MRPL1: variants seen among roughly 807,000 people sequenced by gnomAD.
The protein encoded by MRPL1 is large ribosomal subunit protein uL1m.
MRPL1 carries 28 observed loss-of-function variants against 38.0 expected under a neutral mutation model. The ratio of observed to expected loss-of-function variants is 0.74; its 90% CI spans 0.55 to 1.01. MRPL1 has a LOEUF of 1.01. MRPL1 is among the 50% of genes least tolerant of loss of function. The pLI is 0.00. For synonymous variants in MRPL1, 123 were observed against 126.7 expected, an observed-to-expected ratio of 0.97 and a Z score of 0.20; for missense variants, 358 against 389.8, an observed-to-expected ratio of 0.92 and a Z score of 0.69.
At chr4:77,914,967 T>C (rs1362549100) in intron 7 of MRPL1, among the ~76,000 whole-genome samples, 1 of 152,116 alleles carries the variant, frequency 6.6e-6, no homozygotes, top group Non-Finnish European at 1.5e-5. Flanking sequence ...TTGTAAAAAA[T>C]AAAGGATAGC....
intron 4 of MRPL1, 35 bp downstream of exon 4, chr4:77,885,374 A>T: frequency 2.5e-5 from 32 of 1,284,982 alleles, no homozygotes; most frequent in Middle Eastern, 2.0e-4. Context: ...ATATCATTTA[A>T]TTTTTTTTTT....
At chr4:77,928,086 G>A (rs2110257896) in intron 7 of MRPL1, among the ~76,000 whole-genome samples, 1 of 152,308 alleles carries the variant, frequency 6.6e-6, no homozygotes, top group South Asian at 2.1e-4. Flanking sequence ...CATTTTGTGT[G>A]CTTGTGTAAC....
chr4:77,890,849 C>T lies in MRPL1; in HGVS notation c.559-3290C>T, dbSNP rs143732319. Among the ~76,000 whole-genome samples, 1,136 of 152,140 alleles carry T rather than the reference C, an allele frequency of 7.5e-3. 15 individuals carry two copies. Among genetic ancestry groups the T allele is most frequent in the Admixed American group, 0.031 (469 of 15,280 alleles). Reference sequence around the variant, plus strand: ...TTTCTATATGTTATGGAATTTTTGCCGGGGAGGAGAAAGTAGACAGGAAAT... The same window carrying T: ...TTTCTATATGTTATGGAATTTTTGCTGGGGAGGAGAAAGTAGACAGGAAAT... On this transcript the variant is annotated intron_variant, in intron 5 of 8. Transcript: ENST00000315567.
At chr4:77,918,648 G>A (rs1055167278) in intron 7 of MRPL1, among the ~76,000 whole-genome samples, 44 of 151,990 alleles carry the variant, frequency 2.9e-4, no homozygotes, top group Admixed American at 2.9e-3. Flanking sequence ...TCATATACCT[G>A]GCTAAACTTT....
chr4:77,938,380 TTTCACTGCTGACGGGGTATTTTC>T (rs2110263480), intron 7 of MRPL1, among the ~76,000 whole-genome samples: 1 of 152,344 alleles, frequency 6.6e-6, no homozygotes, highest in African/African-American at 2.4e-5. Flanking sequence ...TCAAATGGCT[TTTCACTGCTGACGGGGTATTTTC>T]TAAGACCTTT....
chr4:77,881,790 T>TA (rs1735548233), intron 2 of MRPL1, among the ~76,000 whole-genome samples: 1 of 152,176 alleles, frequency 6.6e-6, no homozygotes, highest in African/African-American at 2.4e-5. Context: ...TTTCCAGTCT[T>TA]ATTACTGTTG....
chr4:77,883,617 G>C, intron 3 of MRPL1, 117 bp downstream of exon 3: 2 of 1,098,054 alleles, frequency 1.8e-6, no homozygotes, highest in Non-Finnish European at 2.5e-6. Flanking sequence ...TTGCCGTGTT[G>C]CCCAGGCTGG....
intron 4 of MRPL1, among the ~76,000 whole-genome samples, chr4:77,887,003 C>G (rs1228206381): frequency 6.6e-6 from 1 of 151,832 alleles, no homozygotes; most frequent in Non-Finnish European, 1.5e-5. Context: ...GTTGGCCAGG[C>G]TAGTCTTGAA....
intron 1 of MRPL1, among the ~76,000 whole-genome samples, chr4:77,870,334 G>T (rs1271260990): frequency 1.3e-5 from 2 of 152,212 alleles, no homozygotes; most frequent in African/African-American, 4.8e-5. Flanking sequence ...GGAAGTGTTT[G>T]CCAAGCTTCG....
At chr4:77,926,173 CCTTA>C (rs1736708307) in intron 7 of MRPL1, among the ~76,000 whole-genome samples, 1 of 152,142 alleles carries the variant, frequency 6.6e-6, no homozygotes, top group African/African-American at 2.4e-5. Context: ...ATTTTTTTAT[CCTTA>C]CTTTATCATG....
In MRPL1 at chr4:77,888,587, C is replaced by CT. The variant is rs900855780; in HGVS notation, c.558+1305dup. On this transcript the variant is annotated intron_variant, in intron 5 of 8. Transcript: ENST00000315567. ...TGGAGAGCCTCTTTGAAAATGAGAA[C>CT]TTTTTTTTTCCTTTTTAGGAAGTAG... 4.3e-3 allele frequency among the ~76,000 whole-genome samples: 653 copies of CT among 151,442 alleles called. 7 individuals are homozygous for CT. The highest frequency in any genetic ancestry group is 0.015 in the African/African-American group (620 of 41,324).
At chr4:77,940,081 T>C (rs1238035439) in intron 7 of MRPL1, among the ~76,000 whole-genome samples, 1 of 152,148 alleles carries the variant, frequency 6.6e-6, no homozygotes. Flanking sequence ...CTGTGAAGAA[T>C]GATGTCGGTA....
At chr4:77,910,487 A>G (rs754620679) in intron 7 of MRPL1, among the ~76,000 whole-genome samples, 1 of 152,104 alleles carries the variant, frequency 6.6e-6, no homozygotes, top group Non-Finnish European at 1.5e-5. Context: ...AAATACAAAA[A>G]AATTAGTTGA....
At chr4:77,881,585 G>A (rs1406593885) in intron 2 of MRPL1, among the ~76,000 whole-genome samples, 2 of 151,868 alleles carry the variant, frequency 1.3e-5, no homozygotes, top group Non-Finnish European at 2.9e-5. Flanking sequence ...GGGACCACAG[G>A]TGTGTACCAC....
At chr4:77,868,066 T>C (rs751314440) in intron 1 of MRPL1, among the ~76,000 whole-genome samples, 48 of 150,356 alleles carry the variant, frequency 3.2e-4, no homozygotes, top group Non-Finnish European at 5.2e-4. Context: ...AGTTATTTCT[T>C]TTTTTTTTCC....
chr4:77,882,617 A>G (rs531600477), intron 2 of MRPL1, among the ~76,000 whole-genome samples: 3 of 152,310 alleles, frequency 2.0e-5, no homozygotes, highest in African/African-American at 7.2e-5. Flanking sequence ...CACTTAGCTT[A>G]ATGTTTTTAG....
intron 6 of MRPL1, among the ~76,000 whole-genome samples, chr4:77,904,609 A>G (rs531720117): frequency 3.5e-4 from 53 of 152,238 alleles, no homozygotes; most frequent in African/African-American, 1.3e-3. Flanking sequence ...GGAAGAACAC[A>G]GTTTGAGATG....
In MRPL1 at chr4:77,932,398, C is replaced by T. The variant is rs77839565; in HGVS notation, c.778-17399C>T. On this transcript the variant is annotated intron_variant, in intron 7 of 8. Transcript: ENST00000315567. Reference sequence around the variant, plus strand: ...CTCCTGAATTGGGAAGGAATAGATCCTTGGCCCATTTGTGAGATCACAAAT... The same window carrying T: ...CTCCTGAATTGGGAAGGAATAGATCTTTGGCCCATTTGTGAGATCACAAAT... Among the ~76,000 whole-genome samples, 31 of 152,232 alleles carry T rather than the reference C, an allele frequency of 2.0e-4. No homozygotes were observed. In the East Asian group the frequency reaches 6.0e-3, roughly 29 times the overall value.
At chr4:77,893,850 A>C (rs931155851) in intron 5 of MRPL1, among the ~76,000 whole-genome samples, 1 of 152,192 alleles carries the variant, frequency 6.6e-6, no homozygotes, top group African/African-American at 2.4e-5. Flanking sequence ...TAAGCCATGC[A>C]CACATTCATT....
Sources: gnomAD v4.1 joint callset for allele counts (sites outside exome capture counted in the v4.1 genomes callset) on GRCh38, gnomAD v4.1.1 for gene constraint, MANE v1.5 for transcripts, NCBI Gene and HGNC (gene_info 2026-07-23, HGNC 2026-07-21) for gene names.